The following SHISA9 variants were observed in gnomAD, a reference collection of about 807,000 sequenced individuals.
SHISA9 encodes the protein shisa family member 9.
SHISA9 carries 13 observed loss-of-function variants against 38.0 expected under a neutral mutation model. The observed-to-expected ratio is 0.34, with a 90% CI of 0.22 to 0.54. The LOEUF is 0.54. Ranked by LOEUF, SHISA9 falls within the 20% of genes least tolerant of loss-of-function variation. The pLI is 0.91. For synonymous variants in SHISA9, 275 were observed against 242.0 expected (o/e 1.14, Z -1.27); for missense variants, 538 against 575.8 (o/e 0.93, Z 0.67).
chr16:12,913,350 C>T (rs912042993), intron 1 of SHISA9, among the ~76,000 whole-genome samples: 4 of 152,062 alleles, frequency 2.6e-5, no homozygotes, highest in Non-Finnish European at 2.9e-5. Flanking sequence ...GTGCCCACCA[C>T]CACGCCCAGC....
chr16:13,150,736 T>C (rs777342242), intron 2 of SHISA9, among the ~76,000 whole-genome samples: 2 of 152,138 alleles, frequency 1.3e-5, no homozygotes, highest in Non-Finnish European at 2.9e-5. Flanking sequence ...CAAGCAGTAA[T>C]GGTGGCAAGC....
the SHISA9 span, among the ~76,000 whole-genome samples, chr16:13,263,570 G>T: frequency 3.3e-5 from 5 of 152,170 alleles, no homozygotes; most frequent in Admixed American, 6.5e-5. Flanking sequence ...CTGAACAGAT[G>T]ACCAACACTA....
At position 13,208,433 on chromosome 16, in the gene SHISA9, C is replaced by CTTTTTT. The variant is rs148636082; in HGVS notation, c.848-4816_848-4811dup. Among the ~76,000 whole-genome samples, 16 of 119,866 alleles carry CTTTTTT rather than the reference C, an allele frequency of 1.3e-4. No homozygotes were observed. In the East Asian group the frequency reaches 1.4e-3, roughly 11 times the overall value. 78.6% of individuals were successfully genotyped at this position (119,866 alleles called of 152,430 possible). A position where few individuals can be genotyped will look rare whatever the true frequency, so the allele number is the denominator to read the frequency against. On this transcript the variant is annotated intron_variant, in intron 3 of 4. Coordinates refer to ENST00000558583, the MANE Select transcript of SHISA9 (RefSeq NM_001145204.3). ...AAGAGACCTCTTTTCCTTTCTTTTT[C>CTTTTTT]TTTTTTTTTCTTTTTTTTTTTTTTT...
the SHISA9 span, among the ~76,000 whole-genome samples, chr16:13,465,748 T>TC: frequency 5.8e-3 from 883 of 152,210 alleles, 1 homozygote; most frequent in Non-Finnish European, 9.5e-3. Context: ...CCTGTCTCTC[T>TC]CCCCCCTCTA....
intron 2 of SHISA9, among the ~76,000 whole-genome samples, chr16:13,011,650 TAG>T (rs2072677218): frequency 1.3e-5 from 2 of 152,126 alleles, no homozygotes; most frequent in South Asian, 4.1e-4. Context: ...GCCTCCTCAG[TAG>T]CTGGGAGTAC....
the SHISA9 span, among the ~76,000 whole-genome samples, chr16:13,316,473 T>G: frequency 6.6e-6 from 1 of 152,218 alleles, no homozygotes; most frequent in African/African-American, 2.4e-5. Context: ...GGATCTACTT[T>G]GAGCCCACAA....
chr16:13,411,287 C>T, the SHISA9 span, among the ~76,000 whole-genome samples: 18 of 152,240 alleles, frequency 1.2e-4, no homozygotes, highest in Middle Eastern at 3.4e-3. Flanking sequence ...ATTAGGAGCC[C>T]AAATTTTGTG....
intron 2 of SHISA9, among the ~76,000 whole-genome samples, chr16:13,071,086 A>C (rs912888306): frequency 6.6e-6 from 1 of 152,160 alleles, no homozygotes; most frequent in Non-Finnish European, 1.5e-5. Context: ...ATGACAAGAC[A>C]TTCTAGAAAT....
chr16:13,458,358 A>C, the SHISA9 span: 2 of 352,488 alleles, frequency 5.7e-6, no homozygotes, highest in Non-Finnish European at 1.1e-5. Context: ...GATTTGGACC[A>C]GTGTCTGTAT....
intron 2 of SHISA9, among the ~76,000 whole-genome samples, chr16:13,094,874 A>G (rs73520647): frequency 0.032 from 4,927 of 152,254 alleles, 270 homozygotes; most frequent in African/African-American, 0.11. Flanking sequence ...TACTGTTTTC[A>G]AATAGAGACA....
intron 2 of SHISA9, among the ~76,000 whole-genome samples, chr16:13,135,429 A>G (rs1359891608): frequency 6.6e-6 from 1 of 152,216 alleles, no homozygotes; most frequent in Non-Finnish European, 1.5e-5. Flanking sequence ...TAGTCTTTCC[A>G]GGGCAGCCAA....
the SHISA9 span, among the ~76,000 whole-genome samples, chr16:13,512,750 CA>C: frequency 1.3e-5 from 2 of 151,826 alleles, no homozygotes; most frequent in African/African-American, 4.8e-5. Context: ...CAAAAACAAG[CA>C]ATGGGAAAAG....
At chr16:13,376,079 A>G in the SHISA9 span, among the ~76,000 whole-genome samples, 1 of 152,248 alleles carries the variant, frequency 6.6e-6, no homozygotes, top group Admixed American at 6.5e-5. Context: ...TTGGACATTG[A>G]TAATTGTGTT....
At chr16:13,542,880 G>C in the SHISA9 span, among the ~76,000 whole-genome samples, 2 of 152,184 alleles carry the variant, frequency 1.3e-5, no homozygotes, top group East Asian at 3.8e-4. Context: ...CATCCCACAG[G>C]TTGGCTTTAC....
At chr16:13,524,035 T>C in the SHISA9 span, among the ~76,000 whole-genome samples, 10 of 152,116 alleles carry the variant, frequency 6.6e-5, no homozygotes, top group Admixed American at 6.6e-4. Flanking sequence ...AGTCGAGAAA[T>C]GGTGAAGCTG....
chr16:13,102,268 C>T (rs2073885917), intron 2 of SHISA9, among the ~76,000 whole-genome samples: 1 of 152,190 alleles, frequency 6.6e-6, no homozygotes, highest in South Asian at 2.1e-4. Context: ...CATTTCTAAA[C>T]ACCTAGCACT....
rs142314133 is a variant in SHISA9, at chr16:13,132,835, G to C, written c.692-70559G>C. 6.5e-3 allele frequency among the ~76,000 whole-genome samples: 992 copies of C among 152,306 alleles called. 2 individuals carry two copies. Among genetic ancestry groups the C allele is most frequent in the Non-Finnish European group, 0.01 (692 of 68,008 alleles). Reference sequence around the variant, plus strand: ...CTGGGAAAAAGTGAACAAGTTGTAAGAAACTTTTCTGTTATAAAACAAAAA... The same window carrying C: ...CTGGGAAAAAGTGAACAAGTTGTAACAAACTTTTCTGTTATAAAACAAAAA... On this transcript the variant is annotated intron_variant, in intron 2 of 4. Transcript: ENST00000558583.
the SHISA9 span, among the ~76,000 whole-genome samples, chr16:13,430,547 G>A: frequency 6.6e-6 from 1 of 152,064 alleles, no homozygotes. Context: ...ATGTCTGCTC[G>A]ACATTACATC....
the SHISA9 span, among the ~76,000 whole-genome samples, chr16:13,390,663 T>C: frequency 6.6e-6 from 1 of 152,216 alleles, no homozygotes. Context: ...TAGAAGGGTA[T>C]GTGGCTTGTA....
Sources: allele counts gnomAD v4.1 joint callset (sites outside exome capture counted in the v4.1 genomes callset), GRCh38; gene constraint gnomAD v4.1.1; transcripts MANE v1.5; gene names NCBI Gene and HGNC (gene_info 2026-07-23, HGNC 2026-07-21).